Variants in LRP1 observed in about 807,000 individuals in gnomAD.
LRP1 encodes LDL receptor related protein 1, also known as prolow-density lipoprotein receptor-related protein 1.
A neutral mutation model predicts 541.5 loss-of-function variants in LRP1; 51 were observed. The observed-to-expected ratio is 0.09, with a 90% confidence interval of 0.08 to 0.12. The LOEUF (loss-of-function observed/expected upper bound fraction) is 0.12, where lower values mean the gene tolerates loss of function less well. Ranked by LOEUF, LRP1 falls within the 10% of genes least tolerant of loss-of-function variation. The pLI, the probability that LRP1 is intolerant of heterozygous loss-of-function variation, is 1.00. For synonymous variants in LRP1, 2,219 were observed against 2,470.8 expected (o/e 0.90, Z 3.02); for missense variants, 3,878 against 6,376.2 (o/e 0.61, Z 13.34).
At chr12:57,150,189 C>CTTTTTTTTTTTTTGTTT (rs2035499602) in intron 6 of LRP1, 1 of 92,878 alleles carries the variant, frequency 1.1e-5, no homozygotes, top group African/African-American at 5.1e-5. Context: ...AAACTTCCTT[C>CTTTTTTTTTTTTTGTTT]TTTTTTTTTT....
chr12:57,156,877 C>T lies in LRP1; in HGVS notation c.1518C>T (p.Cys506=), dbSNP rs1003190017. 9 of 1,596,256 alleles carry T rather than the reference C, an allele frequency of 5.6e-6. No individual in the cohort carries two copies. Among genetic ancestry groups the T allele is most frequent in the African/African-American group, 1.3e-5 (1 of 74,882 alleles). Residue 506 remains cysteine, a synonymous_variant, in exon 10 of 89, where the codon TGC becomes TGT. Transcript: ENST00000243077. The surrounding 1 kb of genome is among the most constrained non-coding windows in gnomAD (Gnocchi z 5.2). ...ANSHKARTCR[C]RSGFSLGSDG... ...GCCACAAGGCGCGGACCTGCCGCTGCCGTTCCGGCTTCAGCCTGGGCAGTG... is the reference window on the plus strand; with the variant it reads ...GCCACAAGGCGCGGACCTGCCGCTGTCGTTCCGGCTTCAGCCTGGGCAGTG...
In LRP1 at chr12:57,156,689, C is replaced by T; in HGVS notation, c.1418-88C>T. 2.1e-6 allele frequency: 3 copies of T among 1,411,292 alleles called. No individual in the cohort carries two copies. Among genetic ancestry groups the T allele is most frequent in the Non-Finnish European group, 2.9e-6 (3 of 1,041,914 alleles). The allele number at this position is 1,411,292 out of a possible 1,614,324, so 87.4% of individuals were successfully genotyped here. A position where few individuals can be genotyped will look rare whatever the true frequency, so the allele number is the denominator to read the frequency against. On this transcript the variant is annotated intron_variant, in intron 9 of 88. Coordinates refer to ENST00000243077, the MANE Select transcript of LRP1 (RefSeq NM_002332.3). This position sits in a 1 kb window ranked among gnomAD's most constrained non-coding sequence, Gnocchi z 5.2. Reference sequence around the variant, plus strand: ...ATAGCAAGCACAAAGACCACAGCAGCAGGGGGTGTGGTCAGATTCAGGAAG... The same window carrying T: ...ATAGCAAGCACAAAGACCACAGCAGTAGGGGGTGTGGTCAGATTCAGGAAG...
chr12:57,180,930 G>T (rs2036152380), intron 33 of LRP1, 123 bp downstream of exon 33: 2 of 1,378,542 alleles, frequency 1.5e-6, no homozygotes, highest in Admixed American at 3.8e-5. Flanking sequence ...CCACCCAAAG[G>T]GGCTCCTTGT....
chr12:57,207,706 G>T (rs1009281492), intron 76 of LRP1, among the ~76,000 whole-genome samples: 1 of 152,224 alleles, frequency 6.6e-6, no homozygotes, highest in Non-Finnish European at 1.5e-5. Flanking sequence ...GGGCATGATG[G>T]GCAGGCAGAC....
chr12:57,141,666 C>T (rs2035295231), intron 3 of LRP1, among the ~76,000 whole-genome samples, 155 bp downstream of exon 3: 1 of 152,194 alleles, frequency 6.6e-6, no homozygotes, highest in South Asian at 2.1e-4. Flanking sequence ...TTGATGTGCC[C>T]CTTGGGCCTG....
intron 43 of LRP1, 80 bp from the exon 44 acceptor site, chr12:57,191,240 G>T: frequency 2.1e-6 from 3 of 1,395,626 alleles, no homozygotes; most frequent in South Asian, 2.7e-5. Flanking sequence ...GCTGTCAGAG[G>T]CCAGGCCAGG....
chr12:57,162,666 A>G lies in LRP1; in HGVS notation c.2404+148A>G. Reference sequence around the variant, plus strand: ...ATCCTGAGAAGAGAACTCCCCCAACACAATCTGATTCTCTGTTCCCCATTT... The same window carrying G: ...ATCCTGAGAAGAGAACTCCCCCAACGCAATCTGATTCTCTGTTCCCCATTT... On this transcript the variant is annotated intron_variant, in intron 14 of 88. Transcript: ENST00000243077. The surrounding 1 kb of genome is among the most constrained non-coding windows in gnomAD (Gnocchi z 5.2). The G allele has an allele frequency of 9.2e-7, 1 of 1,086,530 alleles. No individual in the cohort carries two copies. The highest frequency in any genetic ancestry group is 1.3e-6 in the Non-Finnish European group (1 of 753,738). The allele number at this position is 1,086,530 out of a possible 1,614,324, so 67.3% of individuals were successfully genotyped here.
intron 20 of LRP1, among the ~76,000 whole-genome samples, chr12:57,170,849 C>G (rs1189296725): frequency 6.6e-6 from 1 of 152,040 alleles, no homozygotes; most frequent in Non-Finnish European, 1.5e-5. Flanking sequence ...AAACTACAGA[C>G]CAAACTCTTC....
At chr12:57,186,036 A>T in intron 41 of LRP1, 128 bp downstream of exon 41, 4 of 1,079,022 alleles carry the variant, frequency 3.7e-6, no homozygotes, top group Non-Finnish European at 5.2e-6. Context: ...GCTGAATCCA[A>T]CTGCACCCCC....
At chr12:57,148,679 C>T (rs867697792) in intron 6 of LRP1, among the ~76,000 whole-genome samples, 6 of 152,208 alleles carry the variant, frequency 3.9e-5, no homozygotes, top group Admixed American at 3.3e-4. Context: ...GTCCTGGGAA[C>T]ATGGGTGTGT....
Position 57,156,958 on chromosome 12 carries a change from G to C in LRP1, c.1561+38G>C. ...GAAGGGGGTGTGTGCCCATTGGGAG[G>C]CTGCGGGAGGGTTCCTCAGGTGTCC... On this transcript the variant is annotated intron_variant, in intron 10 of 88. Coordinates refer to ENST00000243077, the MANE Select transcript of LRP1 (RefSeq NM_002332.3). This position sits in a 1 kb window ranked among gnomAD's most constrained non-coding sequence, Gnocchi z 5.2. 1.3e-6 allele frequency: 2 copies of C among 1,524,844 alleles called. No individual in the cohort carries two copies. Among genetic ancestry groups the C allele is most frequent in the Non-Finnish European group, 1.8e-6 (2 of 1,130,524 alleles). The allele number at this position is 1,524,844 out of a possible 1,614,324, so 94.5% of individuals were successfully genotyped here.
chr12:57,209,615 AG>A (rs1368093465), intron 79 of LRP1, 76 bp from the exon 80 acceptor site: 15 of 1,256,970 alleles, frequency 1.2e-5, no homozygotes, highest in African/African-American at 5.9e-5. Flanking sequence ...TGGGAACCAC[AG>A]GTGCCAGTGT....
At chr12:57,193,821 C>T in intron 47 of LRP1, 78 bp from the exon 48 acceptor site, 1 of 1,590,368 alleles carries the variant, frequency 6.3e-7, no homozygotes, top group Non-Finnish European at 8.6e-7. Flanking sequence ...TGCTGTGGGC[C>T]AGGAGCTCTG....
rs199752894 is a variant in LRP1 at position 57,162,890 on chromosome 12, G to C, written c.2437G>C (p.Gly813Arg). The change falls in exon 15 of 89, where the codon GGC becomes CGC. Residue 813 changes from glycine to arginine, a missense_variant. Around this residue, in one of 13 missense-constraint regions of LRP1, gnomAD observed 496 missense variants for 861.0 expected, o/e 0.58. Coordinates refer to ENST00000243077, the MANE Select transcript of LRP1 (RefSeq NM_002332.3). This position sits in a 1 kb window ranked among gnomAD's most constrained non-coding sequence, Gnocchi z 5.2. ...CAACAAATGCCGGGTGAACAATGGC[G>C]GCTGCAGCAGCCTGTGCTTGGCCAC... ...GTNKCRVNNG[G>R]CSSLCLATPG... 4.3e-5 allele frequency: 69 copies of C among 1,607,746 alleles called. No homozygotes were observed. In the East Asian group the frequency reaches 1.5e-3, roughly 34 times the overall value.
At chr12:57,149,007 G>T in intron 6 of LRP1, 1 of 675,600 alleles carries the variant, frequency 1.5e-6, no homozygotes, top group Non-Finnish European at 2.7e-6. Context: ...ATCACAACAG[G>T]AAATGGGGTA....
intron 1 of LRP1, among the ~76,000 whole-genome samples, chr12:57,132,610 G>GCTGT (rs775269595): frequency 6.6e-6 from 1 of 151,710 alleles, no homozygotes; most frequent in Non-Finnish European, 1.5e-5. Context: ...GGCTTTTCTG[G>GCTGT]CTGTCTGTCT....
chr12:57,200,244 C>T, intron 62 of LRP1, 198 bp from the exon 63 acceptor site: 2 of 640,212 alleles, frequency 3.1e-6, no homozygotes, highest in East Asian at 2.7e-5. Context: ...ACCCTCCTTG[C>T]CATGCTTCAG....
chr12:57,171,487 G>A (rs537889720), intron 20 of LRP1, among the ~76,000 whole-genome samples: 1 of 152,198 alleles, frequency 6.6e-6, no homozygotes, highest in African/African-American at 2.4e-5. Flanking sequence ...CTCGTGCAGG[G>A]ACAGTGGGGA....
chr12:57,204,500 A>G lies in LRP1; in HGVS notation c.11042A>G (p.Asp3681Gly), dbSNP rs1347159698. 1 of 1,593,988 alleles carries G rather than the reference A, an allele frequency of 6.3e-7. No homozygotes were observed. The highest frequency in any genetic ancestry group is 1.7e-5 in the Admixed American group (1 of 57,990). ...WKCDGEDDCG[D>G]NSDENPEECA... ...TGCGATGGCGAGGATGACTGTGGGG[A>G]CAACTCAGATGAGAACCCCGAGGAG... Residue 3681 changes from aspartate to glycine, a missense_variant, in exon 71 of 89, where the codon GAC becomes GGC. Around this residue, in one of 13 missense-constraint regions of LRP1, gnomAD observed 2 missense variants for 18.2 expected, o/e 0.11. Coordinates refer to ENST00000243077, the MANE Select transcript of LRP1 (RefSeq NM_002332.3). The surrounding 1 kb of genome is among the most constrained non-coding windows in gnomAD (Gnocchi z 5.3).
Sources: gnomAD v4.1 joint callset for allele counts (sites outside exome capture counted in the v4.1 genomes callset) on GRCh38, gnomAD v4.1.1 for gene constraint, gnomAD v4.1.1 regional missense constraint, Gnocchi (gnomAD v3.1) non-coding constraint, MANE v1.5 for transcripts, NCBI Gene and HGNC (gene_info 2026-07-23, HGNC 2026-07-21) for gene names.